Variants in PMEPA1 observed in about 807,000 individuals in gnomAD.
PMEPA1 encodes the protein protein TMEPAI.
A neutral mutation model predicts 23.0 loss-of-function variants in PMEPA1; 11 were observed. That is an observed-to-expected ratio of 0.48 (90% CI 0.30 to 0.79). The LOEUF (loss-of-function observed/expected upper bound fraction) is 0.79. PMEPA1 is among the 30% of genes least tolerant of loss of function. The pLI, the probability that PMEPA1 is intolerant of heterozygous loss-of-function variation, is 0.06. For synonymous variants in PMEPA1, 204 were observed against 166.4 expected, an observed-to-expected ratio of 1.23 and a Z score of -1.74; for missense variants, 377 against 390.9, an observed-to-expected ratio of 0.96 and a Z score of 0.30.
In PMEPA1 at chr20:57,709,116, C is replaced by T. The variant is rs2072127860; in HGVS notation, c.109+358G>A. On this transcript the variant is annotated intron_variant, in intron 1 of 3. Transcript: ENST00000341744. The stretch of plus-strand genomic sequence containing the variant: ...ACCCCCGCCCAAAGTTGATAAAGAG[C>T]CGGCCTAAATGCTCCATCGCGACTG... Among the ~76,000 whole-genome samples the T allele has an allele frequency of 1.3e-5, 2 of 152,016 alleles. 1 individual carries two copies. Among genetic ancestry groups the T allele is most frequent in the South Asian group, 4.1e-4 (2 of 4,826 alleles).
At chr20:57,679,114 T>C (rs1172120048) in intron 1 of PMEPA1, among the ~76,000 whole-genome samples, 2 of 152,160 alleles carry the variant, frequency 1.3e-5, no homozygotes, top group Non-Finnish European at 2.9e-5. Context: ...AATGAGCACC[T>C]AGGAGCGGGG....
intron 1 of PMEPA1, among the ~76,000 whole-genome samples, chr20:57,661,074 A>G (rs2071412500): frequency 6.6e-6 from 1 of 152,232 alleles, no homozygotes; most frequent in Admixed American, 6.5e-5. Context: ...AAGGCCTCAG[A>G]AAACCCACAT....
At chr20:57,689,337 A>C (rs1600663901) in intron 1 of PMEPA1, among the ~76,000 whole-genome samples, 2 of 151,952 alleles carry the variant, frequency 1.3e-5, no homozygotes, top group Non-Finnish European at 2.9e-5. Context: ...GAGTGTCTAG[A>C]CCGCCAGTCT....
At chr20:57,697,051 G>A (rs961772297) in intron 1 of PMEPA1, among the ~76,000 whole-genome samples, 38 of 152,228 alleles carry the variant, frequency 2.5e-4, no homozygotes, top group African/African-American at 8.0e-4. Context: ...GTGTGGGGCT[G>A]GGCCATCTAC....
rs117335758 is a variant in PMEPA1, at chr20:57,698,189, G to A, written c.109+11285C>T. 9.6e-3 allele frequency among the ~76,000 whole-genome samples: 1,457 copies of A among 152,254 alleles called. 17 individuals are homozygous for A. The highest frequency in any genetic ancestry group is 0.038 in the East Asian group (196 of 5,168). Reference sequence around the variant, plus strand: ...ACCCGAGATAGGAGTGCATTGAGCTGCGATCTATCCTAACGATCAACAGCA... The same window carrying A: ...ACCCGAGATAGGAGTGCATTGAGCTACGATCTATCCTAACGATCAACAGCA... On this transcript the variant is annotated intron_variant, in intron 1 of 3. Transcript: ENST00000341744.
intron 1 of PMEPA1, 131 bp from the exon 2 acceptor site, chr20:57,659,828 C>T: frequency 1.2e-6 from 1 of 814,716 alleles, no homozygotes; most frequent in Non-Finnish European, 1.9e-6. Flanking sequence ...AAAGCCCCCG[C>T]CACTCTCCCG....
Position 57,652,629 on chromosome 20 carries a change from G to T in PMEPA1, c.319-31C>A. ...GGAAGCAGAGCGGGAGTGAGGGAGG[G>T]CGGCTGTCTCAGGTGGGTTGTCCAG... On this transcript the variant is annotated intron_variant, in intron 3 of 3. Transcript: ENST00000341744. The surrounding 1 kb of genome is among the most constrained non-coding windows in gnomAD (Gnocchi z 6.1). 4 of 1,439,866 alleles carry T rather than the reference G, an allele frequency of 2.8e-6. No individual in the cohort carries two copies. The highest frequency in any genetic ancestry group is 3.6e-6 in the Non-Finnish European group (4 of 1,097,048). The allele number at this position is 1,439,866 out of a possible 1,614,324, so 89.2% of individuals were successfully genotyped here. A position where few individuals can be genotyped will look rare whatever the true frequency, so the allele number is the denominator to read the frequency against.
At chr20:57,689,426 C>T (rs1475598384) in intron 1 of PMEPA1, among the ~76,000 whole-genome samples, 4 of 152,152 alleles carry the variant, frequency 2.6e-5, no homozygotes, top group South Asian at 4.2e-4. Flanking sequence ...GGGAGTGGGG[C>T]GAGGTGAGGG....
chr20:57,685,463 A>T (rs8115173), intron 1 of PMEPA1, among the ~76,000 whole-genome samples: 3,517 of 152,334 alleles, frequency 0.023, 136 homozygotes, highest in African/African-American at 0.081. Context: ...AGGACTTTTT[A>T]CAGCGCACAG....
rs1043118 is a variant in PMEPA1, at chr20:57,648,551, G to A, written c.*3502C>T. On this transcript the variant is annotated 3_prime_UTR_variant, in exon 4 of 4. Coordinates refer to ENST00000341744, the MANE Select transcript of PMEPA1 (RefSeq NM_020182.5). ...TTACGCAGCGGGGACGTGGGTGCGC[G>A]CCCCGCATGCCACGGAAAGCTTACA... 0.031 allele frequency: 4,740 copies of A among 152,696 alleles called. 122 individuals carry two copies. The highest frequency in any genetic ancestry group is 0.073 in the African/African-American group (3,042 of 41,522). 9.5% of individuals were successfully genotyped at this position (152,696 alleles called of 1,614,324 possible).
chr20:57,669,172 T>TTTA (rs1233086975), intron 1 of PMEPA1, among the ~76,000 whole-genome samples: 1 of 146,382 alleles, frequency 6.8e-6, no homozygotes, highest in Middle Eastern at 3.2e-3. Flanking sequence ...TATTTATTTA[T>TTTA]TTATTTTTGA....
At chr20:57,667,204 G>C (rs944409879) in intron 1 of PMEPA1, among the ~76,000 whole-genome samples, 6 of 152,160 alleles carry the variant, frequency 3.9e-5, no homozygotes, top group African/African-American at 1.4e-4. Flanking sequence ...GTAAGGCAAA[G>C]ACACTATTCT....
rs1219934277 is a variant in PMEPA1, at chr20:57,704,917, C to T, written c.109+4557G>A. ...CTTCCAGCCTCCACAGACCTCCCGA[C>T]GGCCTCCCTTCTCCTGGGCAGCGGC... On this transcript the variant is annotated intron_variant, in intron 1 of 3. Transcript: ENST00000341744. This position sits in a 1 kb window ranked among gnomAD's most constrained non-coding sequence, Gnocchi z 4.6. Among the ~76,000 whole-genome samples, 1 of 152,192 alleles carries T rather than the reference C, an allele frequency of 6.6e-6. No homozygotes were observed. The highest frequency in any genetic ancestry group is 1.5e-5 in the Non-Finnish European group (1 of 68,032).
Position 57,652,545 on chromosome 20 carries a change from G to A in PMEPA1, c.372C>T (p.Phe124=). Residue 124 remains phenylalanine (F), a synonymous_variant, in exon 4 of 4, where the codon TTC becomes TTT. Transcript: ENST00000341744. This position sits in a 1 kb window ranked among gnomAD's most constrained non-coding sequence, Gnocchi z 6.1. ...AGCGGTGGAAGCGCTCCCGCTGGGC[G>A]AAGGGCGGCACGGCCAGGCGGTCGG... ...RPTDRLAVPP[F]AQRERFHRFQ... The A allele has an allele frequency of 6.5e-7, 1 of 1,544,416 alleles. No individual in the cohort carries two copies. The highest frequency in any genetic ancestry group is 2.3e-5 in the East Asian group (1 of 43,948).
chr20:57,668,055 G>GT (rs2071518823), intron 1 of PMEPA1, among the ~76,000 whole-genome samples: 1 of 152,122 alleles, frequency 6.6e-6, no homozygotes, highest in Non-Finnish European at 1.5e-5. Context: ...CGGTTTTCTC[G>GT]TTTTTAAAAC....
At chr20:57,693,352 C>T (rs552655450) in intron 1 of PMEPA1, among the ~76,000 whole-genome samples, 1 of 152,360 alleles carries the variant, frequency 6.6e-6, no homozygotes, top group East Asian at 1.9e-4. Context: ...CGACCTTTCC[C>T]CCTAGTTCTT....
rs2071324937 is a variant in PMEPA1, at chr20:57,656,250, AG to A, written c.265-3165del. ...GCCTGGGGGAATTCGGTATCTCCTGAGGCCATGGGAGTGGACGCTAGGTCTT... is the reference window on the plus strand; with the variant it reads ...GCCTGGGGGAATTCGGTATCTCCTGAGCCATGGGAGTGGACGCTAGGTCTT... On this transcript the variant is annotated intron_variant, in intron 2 of 3. Transcript: ENST00000341744. This position sits in a 1 kb window ranked among gnomAD's most constrained non-coding sequence, Gnocchi z 4.7. Among the ~76,000 whole-genome samples, 1 of 150,442 alleles carries A rather than the reference AG, an allele frequency of 6.6e-6. No individual in the cohort carries two copies. Among genetic ancestry groups the A allele is most frequent in the Non-Finnish European group, 1.5e-5 (1 of 67,320 alleles).
chr20:57,708,462 G>A (rs1012793119), intron 1 of PMEPA1, among the ~76,000 whole-genome samples: 3 of 152,210 alleles, frequency 2.0e-5, no homozygotes, highest in African/African-American at 7.2e-5. Context: ...AGGAGGTAGA[G>A]ACTTACTTAT....
rs1218565327 is a variant in PMEPA1 at position 57,659,615 on chromosome 20, G to A, written c.192C>T (p.His64=). Residue 64 remains histidine, a synonymous_variant, in exon 2 of 4, where the codon CAC becomes CAT. Coordinates refer to ENST00000341744, the MANE Select transcript of PMEPA1 (RefSeq NM_020182.5). Reference sequence around the variant, plus strand: ...TGAAGGACCGTGCAGACAGCTTGTAGTGGCTCAGCAGGCACGTGATCACCA... The same window carrying A: ...TGAAGGACCGTGCAGACAGCTTGTAATGGCTCAGCAGGCACGTGATCACCA... The part of the protein sequence containing the change: ...MVVVITCLLS[H]YKLSARSFIS... 5 of 1,613,316 alleles carry A rather than the reference G, an allele frequency of 3.1e-6. No individual in the cohort carries two copies. The highest frequency in any genetic ancestry group is 4.2e-6 in the Non-Finnish European group (5 of 1,179,792).
Sources: allele counts gnomAD v4.1 joint callset (sites outside exome capture counted in the v4.1 genomes callset), GRCh38; gene constraint gnomAD v4.1.1; non-coding constraint Gnocchi (gnomAD v3.1); transcripts MANE v1.5; gene names NCBI Gene and HGNC (gene_info 2026-07-23, HGNC 2026-07-21).